The following FAR2 variants were observed in gnomAD, a reference collection of about 807,000 sequenced individuals.
FAR2 encodes the protein fatty acyl-CoA reductase 2.
FAR2 carries 19 observed loss-of-function variants against 56.0 expected under a neutral mutation model. The observed-to-expected ratio is 0.34, with a 90% CI of 0.24 to 0.50. The LOEUF (loss-of-function observed/expected upper bound fraction) is 0.50. Ranked by LOEUF, FAR2 falls within the 20% of genes least tolerant of loss-of-function variation. The probability of loss-of-function intolerance (pLI) is 0.98; values close to 1 mark genes in which losing one functional copy is unlikely to be tolerated. For synonymous variants in FAR2, 219 were observed against 218.8 expected, an observed-to-expected ratio of 1.00 and a Z score of -0.01; for missense variants, 508 against 642.2, an observed-to-expected ratio of 0.79 and a Z score of 2.26.
intron 1 of FAR2, among the ~76,000 whole-genome samples, chr12:29,164,546 C>T (rs543507189): frequency 6.6e-6 from 1 of 152,326 alleles, no homozygotes; most frequent in South Asian, 2.1e-4. Flanking sequence ...CATCCAACAT[C>T]TGAAGGCCCT....
rs891326300 is a variant in FAR2, at chr12:29,263,246, A to G, written c.-38-7166A>G. Among the ~76,000 whole-genome samples, 3 of 152,218 alleles carry G rather than the reference A, an allele frequency of 2.0e-5. No homozygotes were observed. In the East Asian group the frequency reaches 5.8e-4, roughly 29 times the overall value. On this transcript the variant is annotated intron_variant, in intron 1 of 11. Transcript: ENST00000536681. ...CTTCAGCATTGGACAGACCTCTCAGACAGAAACTCAATAAAGAAACATTGA... is the reference window on the plus strand; with the variant it reads ...CTTCAGCATTGGACAGACCTCTCAGGCAGAAACTCAATAAAGAAACATTGA...
intron 1 of FAR2, among the ~76,000 whole-genome samples, chr12:29,174,850 T>C (rs1263552296): frequency 2.6e-5 from 4 of 152,222 alleles, no homozygotes; most frequent in Non-Finnish European, 4.4e-5. Flanking sequence ...ACTTGGGCGA[T>C]GTGACTTTGA....
At position 29,259,925 on chromosome 12, in the gene FAR2, G is replaced by A. The variant is rs537834069; in HGVS notation, c.-38-10487G>A. Among the ~76,000 whole-genome samples, 4 of 152,184 alleles carry A rather than the reference G, an allele frequency of 2.6e-5. No homozygotes were observed. The East Asian group carries it at 7.7e-4, about 29-fold the overall frequency. On this transcript the variant is annotated intron_variant, in intron 1 of 11. Transcript: ENST00000536681. ...CACAAACCATATCATGAGCATGAGGGGTAGGAAATTATCCTCTGCTCTCTG... is the reference window on the plus strand; with the variant it reads ...CACAAACCATATCATGAGCATGAGGAGTAGGAAATTATCCTCTGCTCTCTG...
At chr12:29,276,294 A>G (rs1948703617) in intron 2 of FAR2, among the ~76,000 whole-genome samples, 1 of 152,230 alleles carries the variant, frequency 6.6e-6, no homozygotes. Flanking sequence ...TATGCCAAAA[A>G]AAGAAGTGTT....
chr12:29,249,168 C>A (rs558142747), intron 1 of FAR2, among the ~76,000 whole-genome samples: 1 of 152,280 alleles, frequency 6.6e-6, no homozygotes, highest in Non-Finnish European at 1.5e-5. Flanking sequence ...GAAATCTTTA[C>A]AATTTATGTT....
At chr12:29,219,523 T>C (rs1001666091) in intron 1 of FAR2, among the ~76,000 whole-genome samples, 1 of 152,154 alleles carries the variant, frequency 6.6e-6, no homozygotes, top group African/African-American at 2.4e-5. Context: ...AGTTCACTGC[T>C]GTACATCAGC....
intron 8 of FAR2, among the ~76,000 whole-genome samples, chr12:29,314,602 C>A (rs1473232840): frequency 7.9e-5 from 12 of 151,924 alleles, no homozygotes; most frequent in Non-Finnish European, 4.4e-5. Context: ...CTTTCCTAAC[C>A]CAGCCTCACC....
At chr12:29,172,917 A>C (rs1405323611) in intron 1 of FAR2, among the ~76,000 whole-genome samples, 9 of 152,160 alleles carry the variant, frequency 5.9e-5, no homozygotes, top group Non-Finnish European at 2.9e-5. Context: ...GTGGGGCTCC[A>C]TACTGGGGAT....
chr12:29,180,529 C>G (rs774490274), intron 1 of FAR2, among the ~76,000 whole-genome samples: 1 of 152,130 alleles, frequency 6.6e-6, no homozygotes, highest in African/African-American at 2.4e-5. Flanking sequence ...ACTAAACCAA[C>G]CTCTTAAACT....
chr12:29,263,518 C>G (rs1421142963), intron 1 of FAR2, among the ~76,000 whole-genome samples: 2 of 151,822 alleles, frequency 1.3e-5, no homozygotes, highest in African/African-American at 4.8e-5. Flanking sequence ...TATACAAACA[C>G]ATAGAAATTA....
intron 1 of FAR2, among the ~76,000 whole-genome samples, chr12:29,198,438 A>C (rs951547429): frequency 1.3e-5 from 2 of 152,086 alleles, no homozygotes; most frequent in Non-Finnish European, 2.9e-5. Flanking sequence ...CACGTTGGCC[A>C]GGATGGTCTC....
intron 2 of FAR2, among the ~76,000 whole-genome samples, chr12:29,287,381 T>G (rs532669661): frequency 2.0e-5 from 3 of 152,336 alleles, no homozygotes; most frequent in African/African-American, 7.2e-5. Context: ...TAGCAACAAT[T>G]TTAACATTTT....
At chr12:29,322,021 G>T in intron 10 of FAR2, 97 bp downstream of exon 10, 1 of 1,364,174 alleles carries the variant, frequency 7.3e-7, no homozygotes, top group African/African-American at 1.5e-5. Context: ...AAGACGTTTG[G>T]TTATAGACAC....
intron 1 of FAR2, among the ~76,000 whole-genome samples, chr12:29,170,054 C>A (rs1189363951): frequency 2.6e-5 from 4 of 152,178 alleles, no homozygotes; most frequent in Non-Finnish European, 4.4e-5. Context: ...ATTAATAAGA[C>A]CTCATTCAGC....
At chr12:29,196,276 A>G (rs775918158) in intron 1 of FAR2, among the ~76,000 whole-genome samples, 1 of 152,124 alleles carries the variant, frequency 6.6e-6, no homozygotes, top group Non-Finnish European at 1.5e-5. Flanking sequence ...TGTTTTCCAT[A>G]GAGGTTGTAC....
intron 2 of FAR2, chr12:29,281,094 C>G (rs1948777337): frequency 6.6e-6 from 1 of 152,180 alleles, no homozygotes; most frequent in South Asian, 2.1e-4. Context: ...AGACTATCCT[C>G]TCTATCAGAT....
intron 7 of FAR2, 135 bp from the exon 8 acceptor site, chr12:29,311,748 G>A (rs1298834674): frequency 1.2e-5 from 7 of 591,116 alleles, no homozygotes; most frequent in East Asian, 3.0e-5. Context: ...AAGAATGAAC[G>A]ATGGAAGCCT....
At chr12:29,280,968 T>G (rs1048683290) in intron 2 of FAR2, 8 of 152,252 alleles carry the variant, frequency 5.3e-5, no homozygotes, top group African/African-American at 1.7e-4. Flanking sequence ...TGCCATGGCC[T>G]TCTTTTTAGG....
chr12:29,207,424 G>A (rs1006602558), intron 1 of FAR2, among the ~76,000 whole-genome samples: 3 of 152,090 alleles, frequency 2.0e-5, no homozygotes, highest in Admixed American at 6.6e-5. Flanking sequence ...GCCAGGAGGG[G>A]TCACCAAGAG....
Sources: allele counts gnomAD v4.1 joint callset (sites outside exome capture counted in the v4.1 genomes callset), GRCh38; gene constraint gnomAD v4.1.1; transcripts MANE v1.5; gene names NCBI Gene and HGNC (gene_info 2026-07-23, HGNC 2026-07-21).